CPSF3: variants seen among roughly 807,000 people sequenced by gnomAD.
CPSF3 encodes the protein cleavage and polyadenylation specific factor 3.
A neutral mutation model predicts 84.1 loss-of-function variants in CPSF3; 57 were observed. That is an observed-to-expected ratio of 0.68 (90% CI 0.55 to 0.85). The LOEUF is 0.85. CPSF3 is among the 40% of genes least tolerant of loss of function. CPSF3 has a pLI of 0.00. For missense variants in CPSF3, 522 were observed against 838.8 expected, an observed-to-expected ratio of 0.62 and a Z score of 4.66; for synonymous variants, 275 against 278.1, an observed-to-expected ratio of 0.99 and a Z score of 0.11.
At chr2:9,466,302 A>G (rs1364121140) in intron 15 of CPSF3, among the ~76,000 whole-genome samples, 6 of 115,360 alleles carry the variant, frequency 5.2e-5, no homozygotes, top group East Asian at 4.1e-4. Context: ...AGACGCATGC[A>G]CACGCACACT....
At chr2:9,457,798 G>A (rs1681583144) in intron 14 of CPSF3, among the ~76,000 whole-genome samples, 1 of 151,636 alleles carries the variant, frequency 6.6e-6, no homozygotes, top group Non-Finnish European at 1.5e-5. Flanking sequence ...TGTCACCCAG[G>A]CTGGAGTGCA....
At chr2:9,446,489 G>A (rs1217876521) in intron 10 of CPSF3, among the ~76,000 whole-genome samples, 1 of 151,000 alleles carries the variant, frequency 6.6e-6, no homozygotes. Context: ...GCCGAGGCAG[G>A]AGAATGGCGT....
intron 15 of CPSF3, among the ~76,000 whole-genome samples, chr2:9,460,377 C>G (rs1436499441): frequency 6.6e-6 from 1 of 151,868 alleles, no homozygotes; most frequent in Non-Finnish European, 1.5e-5. Flanking sequence ...TGCAGTGAGC[C>G]GAGATCACGC....
chr2:9,471,382 C>T lies in CPSF3; in HGVS notation c.1896C>T (p.Asp632=), dbSNP rs1682157264. ...AAGACTGTGTAAGTGTAAAGGATGA[C>T]TCTATTCTTAGCGTCACAGTGGACG... ...FGEDCVSVKD[D]SILSVTVDGK... The change falls in exon 17 of 18, where the codon GAC becomes GAT. Residue 632 remains aspartate, a synonymous_variant. Coordinates refer to ENST00000238112, the MANE Select transcript of CPSF3 (RefSeq NM_016207.4). 2 of 1,612,696 alleles carry T rather than the reference C, an allele frequency of 1.2e-6. No homozygotes were observed. The highest frequency in any genetic ancestry group is 1.7e-6 in the Non-Finnish European group (2 of 1,178,826).
At chr2:9,430,982 A>T in intron 4 of CPSF3, 102 bp downstream of exon 4, 1 of 787,782 alleles carries the variant, frequency 1.3e-6, no homozygotes, top group Non-Finnish European at 2.1e-6. Flanking sequence ...CTCCCTTTTC[A>T]TGTATAAGGA....
chr2:9,466,720 A>G (rs1681994152), intron 15 of CPSF3, among the ~76,000 whole-genome samples: 1 of 152,178 alleles, frequency 6.6e-6, no homozygotes, highest in Non-Finnish European at 1.5e-5. Flanking sequence ...GCCTCCCTGG[A>G]TTTGCCTGTT....
At chr2:9,448,860 T>C (rs925315160) in intron 11 of CPSF3, among the ~76,000 whole-genome samples, 1 of 152,032 alleles carries the variant, frequency 6.6e-6, no homozygotes, top group South Asian at 2.1e-4. Context: ...CGGCCTAGAT[T>C]AGATCTTAAT....
intron 5 of CPSF3, among the ~76,000 whole-genome samples, chr2:9,433,161 C>A (rs1047821464): frequency 7.9e-5 from 12 of 152,154 alleles, no homozygotes; most frequent in Admixed American, 7.9e-4. Context: ...CTTCTGACAA[C>A]GTGGGTGGGC....
At chr2:9,429,864 C>G (rs940828767) in intron 2 of CPSF3, 59 bp from the exon 3 acceptor site, 8 of 1,167,368 alleles carry the variant, frequency 6.9e-6, no homozygotes, top group Non-Finnish European at 1.0e-5. Flanking sequence ...TGCCTATTTG[C>G]CGAATGAATT....
intron 10 of CPSF3, among the ~76,000 whole-genome samples, chr2:9,446,387 T>C (rs1477199741): frequency 1.3e-5 from 2 of 152,070 alleles, no homozygotes; most frequent in Non-Finnish European, 2.9e-5. Context: ...GAGACCATCC[T>C]GGCTAACACG....
At chr2:9,466,343 C>CA (rs61028087) in intron 15 of CPSF3, among the ~76,000 whole-genome samples, 1,592 of 58,432 alleles carry the variant, frequency 0.027, 21 homozygotes, top group African/African-American at 0.11. Flanking sequence ...CGCACACACG[C>CA]GCGCGCGCGC....
In CPSF3 at chr2:9,451,872, A is replaced by T. The variant is rs28376476; in HGVS notation, c.1396-1041A>T. 5.9e-3 allele frequency among the ~76,000 whole-genome samples: 893 copies of T among 151,964 alleles called. 11 individuals are homozygous for T. Among genetic ancestry groups the T allele is most frequent in the African/African-American group, 0.02 (841 of 41,508 alleles). Reference sequence around the variant, plus strand: ...GCTGGGACTACAGGCGCCCGCCACCACGGCCAGCTAGTTTTTTGTATTTTT... The same window carrying T: ...GCTGGGACTACAGGCGCCCGCCACCTCGGCCAGCTAGTTTTTTGTATTTTT... On this transcript the variant is annotated intron_variant, in intron 11 of 17. Transcript: ENST00000238112.
chr2:9,471,671 C>T (rs1046655106), intron 17 of CPSF3, among the ~76,000 whole-genome samples: 1 of 151,792 alleles, frequency 6.6e-6, no homozygotes, highest in African/African-American at 2.4e-5. Flanking sequence ...CATTGCTGTC[C>T]TCTTCCATAA....
chr2:9,425,138 G>A (rs895425671), intron 1 of CPSF3, among the ~76,000 whole-genome samples: 2 of 152,206 alleles, frequency 1.3e-5, no homozygotes, highest in African/African-American at 4.8e-5. Context: ...AAAGACTGGG[G>A]GGCCCAGGAT....
intron 15 of CPSF3, among the ~76,000 whole-genome samples, chr2:9,466,326 AGACG>A (rs1553348550): frequency 6.8e-4 from 46 of 67,456 alleles, no homozygotes; most frequent in Middle Eastern, 9.8e-3. Context: ...GCACGCACAC[AGACG>A]CACGCACACA....
chr2:9,458,146 G>C (rs1434171071), intron 14 of CPSF3, among the ~76,000 whole-genome samples: 1 of 152,308 alleles, frequency 6.6e-6, no homozygotes, highest in East Asian at 1.9e-4. Flanking sequence ...GCTCACAGCT[G>C]TAATCCCAGC....
In CPSF3 at chr2:9,444,803, T is replaced by C. The variant is rs188544554; in HGVS notation, c.1242+1142T>C. Among the ~76,000 whole-genome samples, 258 of 152,144 alleles carry C rather than the reference T, an allele frequency of 1.7e-3. 3 individuals are homozygous for C. The highest frequency in any genetic ancestry group is 5.9e-3 in the African/African-American group (246 of 41,524). ...GCCTCAGCCTTCCGGGTAGCTGGGA[T>C]TACAGGCACGTGCCACCACGCCCAG... On this transcript the variant is annotated intron_variant, in intron 10 of 17. Transcript: ENST00000238112.
intron 16 of CPSF3, among the ~76,000 whole-genome samples, chr2:9,470,570 C>G (rs1488303905): frequency 1.3e-5 from 2 of 152,248 alleles, no homozygotes; most frequent in African/African-American, 4.8e-5. Flanking sequence ...TCCCCAGCTA[C>G]TAGCACAGAA....
At chr2:9,472,319 C>CAA (rs35266408) in intron 17 of CPSF3, among the ~76,000 whole-genome samples, 4 of 115,834 alleles carry the variant, frequency 3.5e-5, no homozygotes, top group East Asian at 8.7e-4. Flanking sequence ...GATTCTGTCT[C>CAA]AAAAAAAAAA....
Sources: allele counts gnomAD v4.1 joint callset (sites outside exome capture counted in the v4.1 genomes callset), GRCh38; gene constraint gnomAD v4.1.1; transcripts MANE v1.5; gene names NCBI Gene and HGNC (gene_info 2026-07-23, HGNC 2026-07-21).